The following KDM2A variants were observed in gnomAD, a reference collection of about 807,000 sequenced individuals.
KDM2A encodes lysine demethylase 2A, also known as lysine-specific demethylase 2A.
A neutral mutation model predicts 137.3 loss-of-function variants in KDM2A; 3 were observed. The ratio of observed to expected loss-of-function variants is 0.02; its 90% CI spans 0.01 to 0.06. KDM2A has a LOEUF of 0.06. Ranked by LOEUF, KDM2A falls within the 10% of genes least tolerant of loss-of-function variation. The pLI is 1.00. For synonymous variants in KDM2A, 512 were observed against 541.5 expected, an observed-to-expected ratio of 0.95 and a Z score of 0.76; for missense variants, 738 against 1,510.6, an observed-to-expected ratio of 0.49 and a Z score of 8.48.
intron 6 of KDM2A, among the ~76,000 whole-genome samples, chr11:67,211,769 C>G (rs1445732115): frequency 1.3e-5 from 2 of 151,546 alleles, no homozygotes; most frequent in Non-Finnish European, 2.9e-5. Context: ...ACTTTATATC[C>G]TCAAGTTCTA....
At chr11:67,176,804 GT>G (rs1384904239) in intron 2 of KDM2A, among the ~76,000 whole-genome samples, 2 of 152,100 alleles carry the variant, frequency 1.3e-5, no homozygotes, top group East Asian at 3.8e-4. Flanking sequence ...AAAAAAAATG[GT>G]ATACCTGTAT....
At chr11:67,201,828 A>ACCTGTAGT (rs1857634180) in intron 5 of KDM2A, among the ~76,000 whole-genome samples, 1 of 145,774 alleles carries the variant, frequency 6.9e-6, no homozygotes, top group Admixed American at 7.0e-5. Flanking sequence ...GGTGGTGTAC[A>ACCTGTAGT]CCTGTAGTCC....
In KDM2A at chr11:67,240,269, C is replaced by T. The variant is rs772480573; in HGVS notation, c.1480-2740C>T. 3.3e-6 allele frequency: 5 copies of T among 1,535,528 alleles called. No homozygotes were observed. In the African/African-American group the frequency reaches 5.5e-5, roughly 17 times the overall value. On this transcript the variant is annotated intron_variant, in intron 12 of 20. Coordinates refer to ENST00000529006, the MANE Select transcript of KDM2A (RefSeq NM_012308.3). ...CCGGATTTTCCCAGAGGCAGAATAT[C>T]TAACTCCTTCAGGAGAACTTCCAGT...
chr11:67,255,553 C>G lies in KDM2A; in HGVS notation c.*498C>G. Reference sequence around the variant, plus strand: ...GCTTGCGCAGGAGGGGCCAGCAGCCCCAGGAGTCCCAGACCCGTGCCGATC... The same window carrying G: ...GCTTGCGCAGGAGGGGCCAGCAGCCGCAGGAGTCCCAGACCCGTGCCGATC... On this transcript the variant is annotated 3_prime_UTR_variant, in exon 21 of 21. Coordinates refer to ENST00000529006, the MANE Select transcript of KDM2A (RefSeq NM_012308.3). 2.2e-6 allele frequency: 1 copy of G among 456,808 alleles called. No individual in the cohort carries two copies. The highest frequency in any genetic ancestry group is 4.4e-6 in the Non-Finnish European group (1 of 227,050). 28.3% of individuals were successfully genotyped at this position (456,808 alleles called of 1,614,324 possible). A position where few individuals can be genotyped will look rare whatever the true frequency, so the allele number is the denominator to read the frequency against.
chr11:67,163,842 G>A (rs1005795967), intron 2 of KDM2A, among the ~76,000 whole-genome samples: 2 of 149,108 alleles, frequency 1.3e-5, no homozygotes, highest in Admixed American at 6.7e-5. Flanking sequence ...GTGACAGAGC[G>A]ACACTCCATC....
At position 67,250,809 on chromosome 11, in the gene KDM2A, A is replaced by G. The variant is rs1859398099; in HGVS notation, c.2768+11A>G. 7.9e-6 allele frequency: 12 copies of G among 1,514,530 alleles called. No individual in the cohort carries two copies. In the East Asian group the frequency reaches 2.7e-4, roughly 35 times the overall value. 93.8% of individuals were successfully genotyped at this position (1,514,530 alleles called of 1,614,324 possible). A position where few individuals can be genotyped will look rare whatever the true frequency, so the allele number is the denominator to read the frequency against. ...GACGTGGTATAAATGGTGAGCAGGG[A>G]TTCAGGGGGTCAGGAATTAGGGGTA... is the stretch of plus-strand genomic sequence containing the variant. On this transcript the variant is annotated intron_variant, in intron 17 of 20. Transcript: ENST00000529006. The surrounding 1 kb of genome is among the most constrained non-coding windows in gnomAD (Gnocchi z 7.1).
At chr11:67,134,799 C>T (rs1167798710) in intron 2 of KDM2A, among the ~76,000 whole-genome samples, 1 of 152,198 alleles carries the variant, frequency 6.6e-6, no homozygotes, top group Non-Finnish European at 1.5e-5. Flanking sequence ...GCCACCTCAC[C>T]TGGCCTTGAA....
In KDM2A at chr11:67,219,439, G is replaced by T. The variant is rs201869182; in HGVS notation, c.957+36G>T. ...TTATGTAACAGTTGCATGTGAAGAGGTTTACTCCAGTTATGATAGATGTTA... is the reference window on the plus strand; with the variant it reads ...TTATGTAACAGTTGCATGTGAAGAGTTTTACTCCAGTTATGATAGATGTTA... On this transcript the variant is annotated intron_variant, in intron 10 of 20. Transcript: ENST00000529006. 6.3e-4 allele frequency: 716 copies of T among 1,137,932 alleles called. 2 individuals carry two copies. The highest frequency in any genetic ancestry group is 5.5e-3 in the Middle Eastern group (27 of 4,950). 70.5% of individuals were successfully genotyped at this position (1,137,932 alleles called of 1,614,324 possible). A position where few individuals can be genotyped will look rare whatever the true frequency, so the allele number is the denominator to read the frequency against.
chr11:67,134,012 G>C (rs982507180), intron 2 of KDM2A, among the ~76,000 whole-genome samples: 1 of 152,202 alleles, frequency 6.6e-6, no homozygotes, highest in Non-Finnish European at 1.5e-5. Flanking sequence ...TTTTAAACAA[G>C]AAAACTGACC....
intron 2 of KDM2A, among the ~76,000 whole-genome samples, chr11:67,171,387 A>G (rs1287739218): frequency 6.6e-6 from 1 of 152,210 alleles, no homozygotes; most frequent in African/African-American, 2.4e-5. Flanking sequence ...GTAAATAGGA[A>G]TGAAATTGAA....
chr11:67,167,622 A>T (rs1856776283), intron 2 of KDM2A, among the ~76,000 whole-genome samples: 1 of 149,318 alleles, frequency 6.7e-6, no homozygotes, highest in African/African-American at 2.5e-5. Context: ...CTGACTAAAT[A>T]TTTTTTTTTA....
chr11:67,223,399 A>C lies in KDM2A; in HGVS notation c.957+3996A>C, dbSNP rs1409581944. On this transcript the variant is annotated intron_variant, in intron 10 of 20. Transcript: ENST00000529006. Reference sequence around the variant, plus strand: ...TTCCTTTTTTCTTTCTTATTTATTTATTTATTTATTTATTTATTTTTGACA... The same window carrying C: ...TTCCTTTTTTCTTTCTTATTTATTTCTTTATTTATTTATTTATTTTTGACA... Among the ~76,000 whole-genome samples, 4 of 150,144 alleles carry C rather than the reference A, an allele frequency of 2.7e-5. No individual in the cohort carries two copies. In the Admixed American group the frequency reaches 2.7e-4, roughly 10 times the overall value.
At position 67,250,871 on chromosome 11, in the gene KDM2A, A is replaced by C; in HGVS notation, c.2768+73A>C. On this transcript the variant is annotated intron_variant, in intron 17 of 20. Transcript: ENST00000529006. The surrounding 1 kb of genome is among the most constrained non-coding windows in gnomAD (Gnocchi z 7.1). ...GGCAGGTTTTCCATATGAGAACAGCATGCACCTTGGCATCTGAAAGCCTGT... is the reference window on the plus strand; with the variant it reads ...GGCAGGTTTTCCATATGAGAACAGCCTGCACCTTGGCATCTGAAAGCCTGT... The C allele has an allele frequency of 1.7e-6, 2 of 1,147,436 alleles. No individual in the cohort carries two copies. Among genetic ancestry groups the C allele is most frequent in the Non-Finnish European group, 2.5e-6 (2 of 801,274 alleles). 71.1% of individuals were successfully genotyped at this position (1,147,436 alleles called of 1,614,324 possible). A position where few individuals can be genotyped will look rare whatever the true frequency, so the allele number is the denominator to read the frequency against.
At chr11:67,141,136 G>C (rs1856089057) in intron 2 of KDM2A, among the ~76,000 whole-genome samples, 1 of 152,022 alleles carries the variant, frequency 6.6e-6, no homozygotes, top group African/African-American at 2.4e-5. Context: ...CCTAAACATT[G>C]TATTTTGGGG....
At chr11:67,156,928 A>T (rs1409859639) in intron 2 of KDM2A, among the ~76,000 whole-genome samples, 1 of 151,792 alleles carries the variant, frequency 6.6e-6, no homozygotes, top group African/African-American at 2.4e-5. Context: ...GTGCCCACAA[A>T]TAAACTCGTG....
intron 15 of KDM2A, among the ~76,000 whole-genome samples, chr11:67,247,074 T>TATAA (rs1565424315): frequency 5.3e-5 from 3 of 56,848 alleles, no homozygotes; most frequent in African/African-American, 1.8e-4. Flanking sequence ...TATATATATT[T>TATAA]TTTTTTTTTT....
intron 12 of KDM2A, among the ~76,000 whole-genome samples, chr11:67,240,774 C>G (rs1166653233): frequency 6.6e-6 from 1 of 152,176 alleles, no homozygotes; most frequent in Non-Finnish European, 1.5e-5. Flanking sequence ...TCTTGTAGGG[C>G]CTCAGCTGGA....
rs753904590 is a variant in KDM2A, at chr11:67,250,412, C to T, written c.2382C>T (p.Ile794=). 7 of 1,614,052 alleles carry T rather than the reference C, an allele frequency of 4.3e-6. No individual in the cohort carries two copies. The highest frequency in any genetic ancestry group is 5.9e-6 in the Non-Finnish European group (7 of 1,179,910). ...TGTCTGAAGTTGAGAAAGCCAAGAT[C>T]CGGGGATCGTACCTCACTGTCACGC... ...KELSEVEKAK[I]RGSYLTVTLQ... is the part of the protein sequence containing the mutation. The change falls in exon 17 of 21, where the codon ATC becomes ATT. Residue 794 remains isoleucine (I), a synonymous_variant. Transcript: ENST00000529006. The surrounding 1 kb of genome is among the most constrained non-coding windows in gnomAD (Gnocchi z 7.1).
intron 10 of KDM2A, among the ~76,000 whole-genome samples, chr11:67,225,048 G>A (rs907088138): frequency 9.9e-5 from 15 of 151,372 alleles, no homozygotes; most frequent in Admixed American, 2.6e-4. Flanking sequence ...GGCTGGTCTC[G>A]AACTCTTGAC....
Sources: allele counts gnomAD v4.1 joint callset (sites outside exome capture counted in the v4.1 genomes callset), GRCh38; gene constraint gnomAD v4.1.1; non-coding constraint Gnocchi (gnomAD v3.1); transcripts MANE v1.5; gene names NCBI Gene and HGNC (gene_info 2026-07-23, HGNC 2026-07-21).